The following LINGO2 variants were observed in gnomAD, a reference collection of about 807,000 sequenced individuals.
LINGO2 encodes the protein leucine-rich repeat and immunoglobulin-like domain-containing nogo receptor-interacting protein 2.
Under a neutral mutation model 30.6 loss-of-function variants are expected in LINGO2, and 14 were observed. That is an observed-to-expected ratio of 0.46 (90% CI 0.30 to 0.72). The LOEUF (loss-of-function observed/expected upper bound fraction) is 0.72. LINGO2 is among the 30% of genes least tolerant of loss of function. The probability of loss-of-function intolerance (pLI) is 0.07; values close to 1 mark genes in which losing one functional copy is unlikely to be tolerated. For missense variants in LINGO2, 729 were observed against 751.7 expected (o/e 0.97, Z 0.35); for synonymous variants, 317 against 288.5 (o/e 1.10, Z -1.00).
At chr9:28,959,576 T>C in the LINGO2 span, among the ~76,000 whole-genome samples, 1 of 143,746 alleles carries the variant, frequency 7.0e-6, no homozygotes, top group Admixed American at 7.2e-5. Flanking sequence ...AGTTCCTTTC[T>C]CTTTTCTTTT....
At chr9:28,572,575 T>C (rs183431188) in intron 1 of LINGO2, among the ~76,000 whole-genome samples, 1 of 152,212 alleles carries the variant, frequency 6.6e-6, no homozygotes, top group Admixed American at 6.5e-5. Context: ...ATGACCTCAA[T>C]AAGTTATATA....
At chr9:28,087,694 C>T (rs558594766) in intron 4 of LINGO2, among the ~76,000 whole-genome samples, 1 of 152,116 alleles carries the variant, frequency 6.6e-6, no homozygotes, top group East Asian at 1.9e-4. Context: ...CCTCTCACAA[C>T]TCAGCCAGCT....
the LINGO2 span, among the ~76,000 whole-genome samples, chr9:29,057,975 T>C: frequency 6.6e-6 from 1 of 151,924 alleles, no homozygotes; most frequent in Non-Finnish European, 1.5e-5. Context: ...ATAAACAAAA[T>C]ATTGAAACAA....
At chr9:28,465,416 T>C (rs1264097854) in intron 2 of LINGO2, among the ~76,000 whole-genome samples, 1 of 152,102 alleles carries the variant, frequency 6.6e-6, no homozygotes, top group East Asian at 1.9e-4. Context: ...CTTTCTTTTG[T>C]GTGTGTGCGC....
Position 28,526,984 on chromosome 9 carries a change from A to C in LINGO2, c.-364-50959T>G, listed in dbSNP as rs368232616. The stretch of plus-strand genomic sequence containing the variant: ...AATGAGCCATCTTTTTATGAATTAA[A>C]TATTACATTATTATATTAAAAGTCA... On this transcript the variant is annotated intron_variant, in intron 1 of 5. Coordinates refer to ENST00000379992, the Ensembl canonical transcript of LINGO2. 5.8e-3 allele frequency among the ~76,000 whole-genome samples: 876 copies of C among 152,328 alleles called. 6 individuals carry two copies. Among genetic ancestry groups the C allele is most frequent in the African/African-American group, 9.2e-3 (382 of 41,578 alleles).
intron 5 of LINGO2, among the ~76,000 whole-genome samples, chr9:27,988,640 C>T (rs1047824642): frequency 7.9e-5 from 12 of 151,938 alleles, no homozygotes; most frequent in African/African-American, 2.9e-4. Flanking sequence ...GCATAAATGT[C>T]TTCTTTTGAG....
chr9:29,007,845 T>C, the LINGO2 span, among the ~76,000 whole-genome samples: 1 of 152,088 alleles, frequency 6.6e-6, no homozygotes, highest in Non-Finnish European at 1.5e-5. Context: ...ATCTACAATT[T>C]CTTAAGAGTT....
At chr9:28,954,551 G>A in the LINGO2 span, among the ~76,000 whole-genome samples, 5 of 152,114 alleles carry the variant, frequency 3.3e-5, no homozygotes, top group African/African-American at 1.2e-4. Context: ...GGTGTTGCCA[G>A]ATTGAATTGT....
chr9:29,003,950 T>A, the LINGO2 span, among the ~76,000 whole-genome samples: 4 of 152,016 alleles, frequency 2.6e-5, no homozygotes, highest in Admixed American at 6.6e-5. Flanking sequence ...TATTTCATGA[T>A]CTACAAAATC....
chr9:27,957,724 C>T (rs1819645502), intron 5 of LINGO2, among the ~76,000 whole-genome samples: 1 of 152,204 alleles, frequency 6.6e-6, no homozygotes, highest in Admixed American at 6.5e-5. Flanking sequence ...TTAGCATCAA[C>T]TTGATGATTT....
chr9:29,161,926 T>G, the LINGO2 span, among the ~76,000 whole-genome samples: 2 of 151,650 alleles, frequency 1.3e-5, no homozygotes, highest in Non-Finnish European at 2.9e-5. Context: ...CAGATGTGTT[T>G]TTTTTTTTTT....
At chr9:28,903,728 T>A in the LINGO2 span, among the ~76,000 whole-genome samples, 2 of 152,208 alleles carry the variant, frequency 1.3e-5, no homozygotes, top group African/African-American at 2.4e-5. Flanking sequence ...TCCTCCTGCC[T>A]TAGACTTATC....
chr9:28,825,389 AG>A, the LINGO2 span, among the ~76,000 whole-genome samples: 2 of 151,634 alleles, frequency 1.3e-5, no homozygotes, highest in Admixed American at 1.3e-4. Context: ...TCAGGAATTC[AG>A]GTAAGTTTGG....
chr9:29,082,472 G>C, the LINGO2 span, among the ~76,000 whole-genome samples: 1 of 151,970 alleles, frequency 6.6e-6, no homozygotes, highest in Non-Finnish European at 1.5e-5. Flanking sequence ...AAAACCATAA[G>C]AATTCCAAGA....
the LINGO2 span, among the ~76,000 whole-genome samples, chr9:28,919,051 C>T: frequency 6.6e-6 from 1 of 152,112 alleles, no homozygotes; most frequent in Non-Finnish European, 1.5e-5. Context: ...AATTACTTAA[C>T]TAATACTTCA....
At chr9:28,665,374 T>G (rs1488012827) in intron 1 of LINGO2, among the ~76,000 whole-genome samples, 1 of 152,058 alleles carries the variant, frequency 6.6e-6, no homozygotes, top group Non-Finnish European at 1.5e-5. Context: ...TGCAACACAT[T>G]TAGTTCTGAA....
rs139652307 is a variant in LINGO2, at chr9:28,324,879, G to A, written c.-245-29513C>T. On this transcript the variant is annotated intron_variant, in intron 3 of 5. Coordinates refer to ENST00000379992, the Ensembl canonical transcript of LINGO2. ...CATTCTTTTATTTCTTTACTTCTCC[G>A]ATAATATTGATTTGCCTCAAATTCT... 3.9e-3 allele frequency among the ~76,000 whole-genome samples: 587 copies of A among 152,086 alleles called. 7 individuals carry two copies. The highest frequency in any genetic ancestry group is 0.014 in the African/African-American group (562 of 41,470).
the LINGO2 span, among the ~76,000 whole-genome samples, chr9:28,819,628 G>A: frequency 6.6e-6 from 1 of 152,084 alleles, no homozygotes; most frequent in Non-Finnish European, 1.5e-5. Flanking sequence ...GGTGTTTTGT[G>A]TTTTTCACTA....
chr9:28,870,942 T>G, the LINGO2 span, among the ~76,000 whole-genome samples: 6,536 of 152,040 alleles, frequency 0.043, 215 homozygotes, highest in Admixed American at 0.084. Context: ...AATAATAGTG[T>G]AAGTTGCCAT....
Sources: allele counts gnomAD v4.1 joint callset (sites outside exome capture counted in the v4.1 genomes callset), GRCh38; gene constraint gnomAD v4.1.1; transcripts MANE v1.5; gene names NCBI Gene and HGNC (gene_info 2026-07-23, HGNC 2026-07-21).